Variants in OSBPL9 observed in about 807,000 individuals in gnomAD.
OSBPL9 encodes oxysterol-binding protein-related protein 9.
Under a neutral mutation model 106.6 loss-of-function variants are expected in OSBPL9, and 40 were observed. The observed-to-expected ratio is 0.38, with a 90% CI of 0.29 to 0.49. The LOEUF (loss-of-function observed/expected upper bound fraction) is 0.49, where lower values mean the gene tolerates loss of function less well. Among genes scored for constraint, OSBPL9 ranks in the 20% least tolerant of loss-of-function variants. The probability of loss-of-function intolerance (pLI) is 0.97; values close to 1 mark genes in which losing one functional copy is unlikely to be tolerated. For synonymous variants in OSBPL9, 269 were observed against 295.4 expected (o/e 0.91, Z 0.92); for missense variants, 609 against 887.2 (o/e 0.69, Z 3.98).
chr1:51,756,400 G>T, intron 9 of OSBPL9, 42 bp downstream of exon 9: 1 of 1,575,188 alleles, frequency 6.3e-7, no homozygotes, highest in South Asian at 1.1e-5. Context: ...TACTTCTGCA[G>T]AGCATTATAA....
At chr1:51,586,251 TTAAAC>T (rs1645246983) in intron 1 of OSBPL9, among the ~76,000 whole-genome samples, 1 of 151,902 alleles carries the variant, frequency 6.6e-6, no homozygotes, top group South Asian at 2.1e-4. Flanking sequence ...AATGAAAAAA[TTAAAC>T]TAATCTGAAA....
chr1:51,552,103 A>G, the OSBPL9 span, among the ~76,000 whole-genome samples: 1 of 152,044 alleles, frequency 6.6e-6, no homozygotes, highest in Non-Finnish European at 1.5e-5. Context: ...TACACACGTT[A>G]TGTATATTCC....
intron 2 of OSBPL9, among the ~76,000 whole-genome samples, chr1:51,666,765 G>T (rs1263058022): frequency 6.6e-6 from 1 of 152,124 alleles, no homozygotes; most frequent in African/African-American, 2.4e-5. Context: ...ATGTTGGTTG[G>T]GCCAGATTTT....
the OSBPL9 span, among the ~76,000 whole-genome samples, chr1:51,531,986 C>A: frequency 6.6e-6 from 1 of 151,996 alleles, no homozygotes; most frequent in East Asian, 1.9e-4. Flanking sequence ...CAGGAAGGAG[C>A]AAGGAAGGAA....
chr1:51,637,578 AG>A (rs1645529779), intron 1 of OSBPL9, among the ~76,000 whole-genome samples: 1 of 152,268 alleles, frequency 6.6e-6, no homozygotes, highest in African/African-American at 2.4e-5. Flanking sequence ...GCACTAGCAC[AG>A]TGTCTGGCAC....
chr1:51,684,468 A>T (rs1271787672), intron 3 of OSBPL9, among the ~76,000 whole-genome samples: 1 of 152,244 alleles, frequency 6.6e-6, no homozygotes, highest in Admixed American at 6.5e-5. Flanking sequence ...ACATATTTCA[A>T]GATAACATGT....
At chr1:51,536,587 G>A in the OSBPL9 span, among the ~76,000 whole-genome samples, 1 of 152,070 alleles carries the variant, frequency 6.6e-6, no homozygotes, top group Non-Finnish European at 1.5e-5. Context: ...CCAAAGTGCT[G>A]GAATTTCAGG....
At chr1:51,523,115 AAAAT>A in the OSBPL9 span, among the ~76,000 whole-genome samples, 27 of 152,240 alleles carry the variant, frequency 1.8e-4, no homozygotes, top group Admixed American at 5.9e-4. Context: ...CAATCAAATA[AAAAT>A]AAATAAATAA....
chr1:51,687,594 A>G (rs1405152924), intron 3 of OSBPL9, among the ~76,000 whole-genome samples: 3 of 152,216 alleles, frequency 2.0e-5, no homozygotes, highest in South Asian at 2.1e-4. Flanking sequence ...AGCAACCTGC[A>G]GAGAAAGGGG....
At chr1:51,634,783 GGACT>G (rs1645320118) in intron 1 of OSBPL9, among the ~76,000 whole-genome samples, 1 of 152,174 alleles carries the variant, frequency 6.6e-6, no homozygotes, top group South Asian at 2.1e-4. Context: ...GAGGTTTAAT[GGACT>G]CTCAGTTCCA....
intron 2 of OSBPL9, among the ~76,000 whole-genome samples, chr1:51,656,055 C>A (rs1393899683): frequency 6.6e-6 from 1 of 152,144 alleles, no homozygotes; most frequent in East Asian, 1.9e-4. Context: ...TGTTCTGGAA[C>A]CTTTATTTTT....
chr1:51,662,863 G>T (rs1347622303), intron 2 of OSBPL9, among the ~76,000 whole-genome samples: 1 of 150,424 alleles, frequency 6.6e-6, no homozygotes, highest in Non-Finnish European at 1.5e-5. Context: ...TCCTGCCTCA[G>T]CCTCCTGAGT....
chr1:51,765,706 C>T (rs1672411515), intron 11 of OSBPL9, 116 bp from the exon 12 acceptor site: 4 of 980,818 alleles, frequency 4.1e-6, no homozygotes, highest in Non-Finnish European at 5.8e-6. Flanking sequence ...ACTGTAGCGA[C>T]TTTTACAAAC....
intron 23 of OSBPL9, 71 bp from the exon 24 acceptor site, chr1:51,787,644 T>C: frequency 6.3e-7 from 1 of 1,590,370 alleles, no homozygotes; most frequent in Non-Finnish European, 8.6e-7. Flanking sequence ...GGGGAGCAGA[T>C]ATGAAATAGT....
At chr1:51,716,179 G>GT (rs771100342) in intron 4 of OSBPL9, among the ~76,000 whole-genome samples, 2 of 152,134 alleles carry the variant, frequency 1.3e-5, no homozygotes, top group Admixed American at 6.5e-5. Context: ...AATACAAGAG[G>GT]TTTTTTTCCT....
At chr1:51,770,478 A>G (rs1673626297) in intron 12 of OSBPL9, among the ~76,000 whole-genome samples, 1 of 152,032 alleles carries the variant, frequency 6.6e-6, no homozygotes, top group Non-Finnish European at 1.5e-5. Context: ...GGGTCTCACC[A>G]TGTTACCCAG....
chr1:51,746,163 C>T (rs1403260808), intron 5 of OSBPL9, among the ~76,000 whole-genome samples: 2 of 152,128 alleles, frequency 1.3e-5, no homozygotes, highest in African/African-American at 2.4e-5. Context: ...AGGCTGGTCT[C>T]GAACTCCTGA....
intron 4 of OSBPL9, among the ~76,000 whole-genome samples, chr1:51,743,719 CA>C (rs1016123867): frequency 6.6e-6 from 1 of 151,876 alleles, no homozygotes; most frequent in Admixed American, 6.6e-5. Flanking sequence ...GAAACAAAAC[CA>C]AAAAACAAGC....
intron 4 of OSBPL9, among the ~76,000 whole-genome samples, chr1:51,726,329 T>C (rs2148925919): frequency 6.6e-6 from 1 of 152,354 alleles, no homozygotes; most frequent in East Asian, 1.9e-4. Context: ...TACATGTTGT[T>C]AGAACACAGT....
Sources: gnomAD v4.1 joint callset for allele counts (sites outside exome capture counted in the v4.1 genomes callset) on GRCh38, gnomAD v4.1.1 for gene constraint, MANE v1.5 for transcripts, NCBI Gene and HGNC (gene_info 2026-07-23, HGNC 2026-07-21) for gene names.